Variants in TASP1 observed in about 807,000 individuals in gnomAD.
The protein encoded by TASP1 is taspase 1, also known as threonine aspartase 1.
Under a neutral mutation model 56.6 loss-of-function variants are expected in TASP1, and 16 were observed. That is an observed-to-expected ratio of 0.28 (90% CI 0.19 to 0.43). The LOEUF is 0.43. Ranked by LOEUF, TASP1 falls within the 20% of genes least tolerant of loss-of-function variation. The probability of loss-of-function intolerance (pLI) is 1.00; values close to 1 mark genes in which losing one functional copy is unlikely to be tolerated. For synonymous variants in TASP1, 179 were observed against 184.2 expected (o/e 0.97, Z 0.23); for missense variants, 393 against 511.6 (o/e 0.77, Z 2.24).
the TASP1 span, among the ~76,000 whole-genome samples, chr20:13,237,011 C>T: frequency 6.6e-6 from 1 of 152,204 alleles, no homozygotes; most frequent in African/African-American, 2.4e-5. Flanking sequence ...CCTCTTCTCA[C>T]AGCTCCACTA....
chr20:13,237,082 G>A, the TASP1 span, among the ~76,000 whole-genome samples: 1 of 152,186 alleles, frequency 6.6e-6, no homozygotes. Flanking sequence ...CTTCTGCACT[G>A]CCCTAGAAGA....
At chr20:13,521,207 T>A (rs6079091) in intron 10 of TASP1, among the ~76,000 whole-genome samples, 151,573 of 151,602 alleles carry the variant, frequency 1, 75,772 homozygotes, top group Middle Eastern at 1. Context: ...ATTGTGGAAG[T>A]CAGTGTGGCG....
At chr20:13,559,242 A>C in intron 7 of TASP1, 128 bp from the exon 8 acceptor site, 1 of 518,346 alleles carries the variant, frequency 1.9e-6, no homozygotes. Flanking sequence ...GGGTTTAAAA[A>C]GTCTTTTCAA....
intron 11 of TASP1, among the ~76,000 whole-genome samples, chr20:13,435,797 G>A (rs1052877432): frequency 7.2e-5 from 11 of 151,994 alleles, no homozygotes; most frequent in Non-Finnish European, 2.9e-5. Context: ...CAAACATCTG[G>A]CATAGCAAGT....
At chr20:13,545,919 A>G (rs1370801466) in intron 8 of TASP1, among the ~76,000 whole-genome samples, 1 of 152,104 alleles carries the variant, frequency 6.6e-6, no homozygotes, top group Non-Finnish European at 1.5e-5. Flanking sequence ...AATTCCTCCA[A>G]TTCCATTAAG....
chr20:13,375,694 C>T, the TASP1 span, among the ~76,000 whole-genome samples: 1 of 152,206 alleles, frequency 6.6e-6, no homozygotes, highest in Admixed American at 6.5e-5. Context: ...ATTTACACTC[C>T]AACCAACAGT....
At chr20:13,336,752 T>G in the TASP1 span, among the ~76,000 whole-genome samples, 1 of 152,168 alleles carries the variant, frequency 6.6e-6, no homozygotes, top group East Asian at 1.9e-4. Context: ...AGTGAGATTT[T>G]TTTTTTGTAT....
chr20:13,449,746 C>T (rs1017115318), intron 11 of TASP1, among the ~76,000 whole-genome samples: 21 of 152,062 alleles, frequency 1.4e-4, no homozygotes, highest in African/African-American at 4.8e-4. Context: ...GAACTTACAA[C>T]TCTAGGTCTA....
At chr20:13,274,606 C>T in the TASP1 span, among the ~76,000 whole-genome samples, 3 of 152,330 alleles carry the variant, frequency 2.0e-5, no homozygotes, top group South Asian at 6.2e-4. Flanking sequence ...ACAGCCTGCA[C>T]CTTTCCAAAG....
chr20:13,214,362 C>T, the TASP1 span, among the ~76,000 whole-genome samples: 3 of 152,108 alleles, frequency 2.0e-5, no homozygotes, highest in African/African-American at 7.2e-5. Flanking sequence ...CTCTTAAGCT[C>T]TCTTATGTGT....
chr20:13,238,721 G>A, the TASP1 span, among the ~76,000 whole-genome samples: 5 of 152,168 alleles, frequency 3.3e-5, no homozygotes, highest in African/African-American at 4.8e-5. Context: ...CCAGGTGGTG[G>A]AGAAAGTCAC....
At chr20:13,580,182 A>T (rs1348166512) in intron 6 of TASP1, among the ~76,000 whole-genome samples, 1 of 152,262 alleles carries the variant, frequency 6.6e-6, no homozygotes, top group Non-Finnish European at 1.5e-5. Flanking sequence ...ACAGCGGCTC[A>T]TGCCTGTTAA....
chr20:13,311,762 T>C, the TASP1 span, among the ~76,000 whole-genome samples: 15 of 152,286 alleles, frequency 9.8e-5, no homozygotes, highest in African/African-American at 2.6e-4. Context: ...GAGAGTAGAA[T>C]GGTAGTAACC....
chr20:13,454,118 T>C, intron 11 of TASP1, among the ~76,000 whole-genome samples: 1 of 150,768 alleles, frequency 6.6e-6, no homozygotes, highest in Non-Finnish European at 1.5e-5. Context: ...CCTGGGATGA[T>C]GTTGAGGAGA....
chr20:13,162,534 A>C, the TASP1 span, among the ~76,000 whole-genome samples: 1 of 152,182 alleles, frequency 6.6e-6, no homozygotes, highest in Admixed American at 6.5e-5. Context: ...CAGCCAGTAC[A>C]TTAAGGTAGC....
intron 10 of TASP1, among the ~76,000 whole-genome samples, chr20:13,521,371 A>G (rs1042022846): frequency 5.9e-5 from 9 of 152,138 alleles, no homozygotes; most frequent in Admixed American, 2.6e-4. Flanking sequence ...CTTGGAACCA[A>G]CCCAAATGTC....
chr20:13,492,704 T>C (rs1459834982), intron 10 of TASP1, among the ~76,000 whole-genome samples: 1 of 152,242 alleles, frequency 6.6e-6, no homozygotes, highest in Non-Finnish European at 1.5e-5. Flanking sequence ...GAGTTCTCTG[T>C]AATCCACAAC....
the TASP1 span, among the ~76,000 whole-genome samples, chr20:13,201,064 A>G: frequency 1.7e-3 from 260 of 152,334 alleles, no homozygotes; most frequent in African/African-American, 5.9e-3. Context: ...AATGCCAGTC[A>G]CAGGCACAGA....
chr20:13,146,374 G>A, the TASP1 span, among the ~76,000 whole-genome samples: 2 of 151,904 alleles, frequency 1.3e-5, no homozygotes, highest in Non-Finnish European at 2.9e-5. Context: ...AAACCCCCAC[G>A]ACACGTGTTT....
Sources: allele counts gnomAD v4.1 joint callset (sites outside exome capture counted in the v4.1 genomes callset), GRCh38; gene constraint gnomAD v4.1.1; transcripts MANE v1.5; gene names NCBI Gene and HGNC (gene_info 2026-07-23, HGNC 2026-07-21).